The following ADGRL3 variants were observed in gnomAD, a reference collection of about 807,000 sequenced individuals.
The protein encoded by ADGRL3 is calcium-independent alpha-latrotoxin receptor 3.
In ADGRL3, 62 loss-of-function variants were observed where a neutral mutation model predicts 153.5. The observed-to-expected ratio is 0.40, with a 90% CI of 0.33 to 0.50. ADGRL3 has a LOEUF of 0.50. Among genes scored for constraint, ADGRL3 ranks in the 20% least tolerant of loss-of-function variants. The pLI, the probability that ADGRL3 is intolerant of heterozygous loss-of-function variation, is 0.47. For synonymous variants in ADGRL3, 710 were observed against 672.5 expected, an observed-to-expected ratio of 1.06 and a Z score of -0.86; for missense variants, 1,641 against 1,859.4, an observed-to-expected ratio of 0.88 and a Z score of 2.16.
chr4:61,778,143 A>G (rs982900995), intron 8 of ADGRL3, among the ~76,000 whole-genome samples: 1 of 152,242 alleles, frequency 6.6e-6, no homozygotes, highest in East Asian at 1.9e-4. Flanking sequence ...AGTACATTGT[A>G]TAAAATTACC....
At chr4:61,387,755 A>T (rs983844424) in intron 2 of ADGRL3, among the ~76,000 whole-genome samples, 1 of 152,046 alleles carries the variant, frequency 6.6e-6, no homozygotes, top group Admixed American at 6.6e-5. Flanking sequence ...ATGCTGTACA[A>T]TTTGTGCAGT....
chr4:61,312,576 G>A (rs2095053704), intron 1 of ADGRL3, among the ~76,000 whole-genome samples: 1 of 151,986 alleles, frequency 6.6e-6, no homozygotes, highest in Admixed American at 6.6e-5. Context: ...TTTAAAAATT[G>A]GCAAAAGACT....
At chr4:61,346,659 C>T (rs1171924298) in intron 1 of ADGRL3, among the ~76,000 whole-genome samples, 6 of 150,722 alleles carry the variant, frequency 4.0e-5, no homozygotes, top group Admixed American at 1.3e-4. Context: ...ACTATTGTCC[C>T]GGCTACTCTG....
At chr4:61,826,580 C>G (rs1355120109) in intron 9 of ADGRL3, among the ~76,000 whole-genome samples, 1 of 152,100 alleles carries the variant, frequency 6.6e-6, no homozygotes, top group African/African-American at 2.4e-5. Context: ...CATGCAGGGT[C>G]TTGTAAGACG....
In ADGRL3 at chr4:61,968,770, A is replaced by T. The variant is rs138402885; in HGVS notation, c.2806-10793A>T. Among the ~76,000 whole-genome samples the T allele has an allele frequency of 6.0e-4, 91 of 152,286 alleles. 1 individual carries two copies. The East Asian group carries it at 0.015, about 26-fold the overall frequency. ...ATGTACAGGACATTTAATAGGTAAG[A>T]ACTGTTCATTTTCTCTTATAAGACA... On this transcript the variant is annotated intron_variant, in intron 17 of 26. Coordinates refer to ENST00000683033, the MANE Select transcript of ADGRL3 (RefSeq NM_001387552.1).
intron 2 of ADGRL3, among the ~76,000 whole-genome samples, chr4:61,494,230 C>T (rs1037884933): frequency 6.6e-6 from 1 of 151,896 alleles, no homozygotes; most frequent in Non-Finnish European, 1.5e-5. Context: ...CTCATAATTT[C>T]TTCCAGTAAT....
intron 5 of ADGRL3, among the ~76,000 whole-genome samples, chr4:61,616,548 A>AAAAAC (rs1266561197): frequency 1.3e-5 from 2 of 152,172 alleles, no homozygotes; most frequent in Non-Finnish European, 2.9e-5. Context: ...TTGAAGATTA[A>AAAAAC]AAAACAAAAC....
chr4:61,579,261 T>C (rs879522194), intron 4 of ADGRL3, among the ~76,000 whole-genome samples: 1 of 152,070 alleles, frequency 6.6e-6, no homozygotes, highest in African/African-American at 2.4e-5. Flanking sequence ...TTTTAAAAAA[T>C]TTCTTTTGAA....
intron 1 of ADGRL3, among the ~76,000 whole-genome samples, chr4:61,364,313 C>G (rs1024454341): frequency 5.9e-5 from 8 of 135,830 alleles, no homozygotes; most frequent in Non-Finnish European, 1.1e-4. Flanking sequence ...AGCCTGGTGA[C>G]AGAGTGAGAC....
At chr4:61,961,985 T>C (rs2098989591) in intron 17 of ADGRL3, among the ~76,000 whole-genome samples, 1 of 152,176 alleles carries the variant, frequency 6.6e-6, no homozygotes, top group African/African-American at 2.4e-5. Context: ...TTTCTGTATA[T>C]GTTGTGCATG....
chr4:61,401,810 G>A (rs1203079475), intron 2 of ADGRL3, among the ~76,000 whole-genome samples: 1 of 151,942 alleles, frequency 6.6e-6, no homozygotes, highest in African/African-American at 2.4e-5. Context: ...TCTAGTAATA[G>A]GTATATTTCT....
At chr4:61,554,815 C>A (rs1384703761) in intron 4 of ADGRL3, among the ~76,000 whole-genome samples, 4 of 152,162 alleles carry the variant, frequency 2.6e-5, no homozygotes, top group African/African-American at 9.7e-5. Flanking sequence ...CGGAAGTTTA[C>A]TTCACACACA....
At chr4:61,903,678 A>AAAAAAAAAAAT in intron 11 of ADGRL3, among the ~76,000 whole-genome samples, 1 of 136,786 alleles carries the variant, frequency 7.3e-6, no homozygotes, top group Non-Finnish European at 1.6e-5. Flanking sequence ...AAAAAAAAAA[A>AAAAAAAAAAAT]AAAAAGAATA....
intron 4 of ADGRL3, among the ~76,000 whole-genome samples, chr4:61,567,613 G>A (rs968079726): frequency 2.0e-5 from 3 of 152,154 alleles, no homozygotes; most frequent in Non-Finnish European, 4.4e-5. Context: ...CATGTCTGCA[G>A]TTTGTGAGTC....
chr4:61,752,916 T>G (rs2096774467), intron 8 of ADGRL3, among the ~76,000 whole-genome samples: 1 of 152,064 alleles, frequency 6.6e-6, no homozygotes, highest in Non-Finnish European at 1.5e-5. Flanking sequence ...CCTGGGTGAC[T>G]GAGCAAGATC....
chr4:61,538,866 C>T lies in ADGRL3; in HGVS notation c.259+21348C>T, dbSNP rs912471889. The stretch of plus-strand genomic sequence containing the variant: ...GACTGGGGGTGGCTGGGGAAGATTG[C>T]GTTGGGTTGCATTGAAGTCTCAGGA... On this transcript the variant is annotated intron_variant, in intron 4 of 26. Transcript: ENST00000683033. Among the ~76,000 whole-genome samples, 7 of 152,086 alleles carry T rather than the reference C, an allele frequency of 4.6e-5. No individual in the cohort carries two copies. The South Asian group carries it at 6.2e-4, about 14-fold the overall frequency.
At chr4:61,684,015 T>C (rs1310224580) in intron 6 of ADGRL3, among the ~76,000 whole-genome samples, 1 of 152,082 alleles carries the variant, frequency 6.6e-6, no homozygotes, top group African/African-American at 2.4e-5. Flanking sequence ...AGGTAATAAA[T>C]CGCATGGAGA....
intron 1 of ADGRL3, among the ~76,000 whole-genome samples, chr4:61,322,024 A>G (rs2095366568): frequency 1.3e-5 from 2 of 152,210 alleles, no homozygotes; most frequent in African/African-American, 4.8e-5. Context: ...GGCAATTTAC[A>G]AAAGAAAAAG....
intron 6 of ADGRL3, chr4:61,677,515 G>A (rs2095234643): frequency 6.2e-6 from 1 of 160,990 alleles, no homozygotes; most frequent in Admixed American, 6.4e-5. Flanking sequence ...CCAACAACAT[G>A]TCTTTTCTTC....
Sources: gnomAD v4.1 joint callset for allele counts (sites outside exome capture counted in the v4.1 genomes callset) on GRCh38, gnomAD v4.1.1 for gene constraint, MANE v1.5 for transcripts, NCBI Gene and HGNC (gene_info 2026-07-23, HGNC 2026-07-21) for gene names.